CCDC112: variants seen among roughly 807,000 people sequenced by gnomAD.
CCDC112 encodes coiled-coil domain-containing protein 112.
CCDC112 carries 40 observed loss-of-function variants against 66.3 expected under a neutral mutation model. The observed-to-expected ratio is 0.60, with a 90% CI of 0.47 to 0.79. CCDC112 has a LOEUF of 0.79. Among genes scored for constraint, CCDC112 ranks in the 30% least tolerant of loss-of-function variants. The pLI is 0.00. For synonymous variants in CCDC112, 214 were observed against 197.2 expected (o/e 1.09, Z -0.71); for missense variants, 659 against 603.8 (o/e 1.09, Z -0.96).
intron 9 of CCDC112, among the ~76,000 whole-genome samples, chr5:115,268,462 G>A (rs555046832): frequency 6.6e-6 from 1 of 151,700 alleles, no homozygotes; most frequent in Non-Finnish European, 1.5e-5. Context: ...TAGTAGAGAT[G>A]GGGTTTCACT....
rs1278813272 is a variant in CCDC112 at position 115,271,445 on chromosome 5, A to G, written c.1100T>C (p.Ile367Thr). Reference sequence around the variant, plus strand: ...GGAAGCACATTTCATTGACATTTCTATACTTTTCTGTTTCTTCCAAGCTTC... The same window carrying G: ...GGAAGCACATTTCATTGACATTTCTGTACTTTTCTGTTTCTTCCAAGCTTC... Reference protein sequence around the residue: ...AVEAWKKQKSIEMSMKCASQL... With the variant: ...AVEAWKKQKSTEMSMKCASQL... The change falls in exon 7 of 10, where the codon ATA becomes ACA. Residue 367 changes from isoleucine to threonine, a missense_variant. Ile to Thr is a moderately conservative substitution (Grantham distance 89, BLOSUM62 -1). Coordinates refer to ENST00000379611, the MANE Select transcript of CCDC112 (RefSeq NM_001040440.3). The G allele has an allele frequency of 1.1e-5, 18 of 1,611,414 alleles. No homozygotes were observed. Among genetic ancestry groups the G allele is most frequent in the Non-Finnish European group, 1.4e-5 (17 of 1,179,516 alleles).
chr5:115,292,476 T>C (rs1749976499), intron 1 of CCDC112, among the ~76,000 whole-genome samples: 1 of 152,246 alleles, frequency 6.6e-6, no homozygotes, highest in Non-Finnish European at 1.5e-5. Context: ...CTTTGCCTAG[T>C]ATGTCCAATA....
intron 7 of CCDC112, among the ~76,000 whole-genome samples, chr5:115,270,962 C>T (rs527468999): frequency 6.6e-6 from 1 of 152,252 alleles, no homozygotes; most frequent in South Asian, 2.1e-4. Flanking sequence ...CCTGTACTCC[C>T]TCCTAAGTAC....
Position 115,268,901 on chromosome 5 carries a change from G to C in CCDC112, c.1528C>G (p.Leu510Val). 1 of 1,594,942 alleles carries C rather than the reference G, an allele frequency of 6.3e-7. No individual in the cohort carries two copies. Among genetic ancestry groups the C allele is most frequent in the Non-Finnish European group, 8.5e-7 (1 of 1,170,350 alleles). ...TCTTACCTATGTGGGATATGTAGAA[G>C]TGGCCCAGAGCCTGTTGGTCCTATC... ...KKIGPTGSGPLLHIPHRAIPT... is the reference protein window; with the variant it reads ...KKIGPTGSGPVLHIPHRAIPT... Residue 510 changes from leucine to valine, a missense_variant, in exon 9 of 10, where the codon CTT becomes GTT. Transcript: ENST00000379611.
At chr5:115,293,886 C>T (rs1022778345) in intron 1 of CCDC112, among the ~76,000 whole-genome samples, 1 of 152,080 alleles carries the variant, frequency 6.6e-6, no homozygotes, top group Non-Finnish European at 1.5e-5. Flanking sequence ...TATGCTGGTA[C>T]AAAACCAGCA....
intron 6 of CCDC112, among the ~76,000 whole-genome samples, chr5:115,272,837 C>T (rs570896884): frequency 2.3e-4 from 35 of 152,230 alleles, no homozygotes; most frequent in South Asian, 6.2e-4. Context: ...ATACCAAATG[C>T]CACCTAGTAC....
At position 115,280,736 on chromosome 5, in the gene CCDC112, T is replaced by C. The variant is rs149064581; in HGVS notation, c.240-968A>G. 4.2e-3 allele frequency among the ~76,000 whole-genome samples: 644 copies of C among 151,866 alleles called. 12 individuals are homozygous for C. The highest frequency in any genetic ancestry group is 0.038 in the Admixed American group (580 of 15,244). ...ATGCCCAGCTAATTTTTTTTTTTGA[T>C]AGATATAGGGTTTTGCCATGTTGCC... On this transcript the variant is annotated intron_variant, in intron 2 of 9. Transcript: ENST00000379611.
intron 6 of CCDC112, among the ~76,000 whole-genome samples, chr5:115,272,313 TTCTGAGTGA>T (rs766486802): frequency 2.0e-5 from 3 of 152,204 alleles, no homozygotes; most frequent in Admixed American, 6.5e-5. Context: ...TTAGAATACT[TTCTGAGTGA>T]TCTTTATCTG....
intron 1 of CCDC112, among the ~76,000 whole-genome samples, chr5:115,293,020 T>A (rs1324723822): frequency 6.6e-6 from 1 of 152,232 alleles, no homozygotes; most frequent in African/African-American, 2.4e-5. Flanking sequence ...AACACACATT[T>A]ATTGACTTAT....
chr5:115,292,529 A>G (rs1256509685), intron 1 of CCDC112, among the ~76,000 whole-genome samples: 4 of 152,138 alleles, frequency 2.6e-5, no homozygotes, highest in East Asian at 1.9e-4. Context: ...TGTTTTCCCC[A>G]TGTGTGAACC....
At chr5:115,288,940 A>AG (rs1749802336) in intron 1 of CCDC112, 1 of 428,734 alleles carries the variant, frequency 2.3e-6, no homozygotes, top group East Asian at 7.1e-5. Context: ...TTGTACAAGG[A>AG]GGGAGACAGG....
chr5:115,268,188 TA>T (rs1459213986), intron 9 of CCDC112, among the ~76,000 whole-genome samples: 1 of 152,220 alleles, frequency 6.6e-6, no homozygotes, highest in Admixed American at 6.5e-5. Flanking sequence ...ACTCTCCTTA[TA>T]AAAATAAATA....
At chr5:115,272,670 G>C (rs879305256) in intron 6 of CCDC112, among the ~76,000 whole-genome samples, 1 of 152,108 alleles carries the variant, frequency 6.6e-6, no homozygotes, top group Non-Finnish European at 1.5e-5. Flanking sequence ...ATGCCATTTA[G>C]GGCATATTCA....
rs757539893 is a variant in CCDC112, at chr5:115,296,529, C to T, written c.15G>A (p.Thr5=). Residue 5 remains threonine (T), a synonymous_variant, in exon 1 of 10, where the codon ACG becomes ACA. Transcript: ENST00000379611. MAAL[T]TVVVAAAATA... is the part of the protein sequence containing the mutation. ...TGGCCGCAGCCGCTACCACAACCGT[C>T]GTCAGTGCGGCCATGTTTACCCGCC... 3.4e-5 allele frequency: 52 copies of T among 1,532,702 alleles called. No homozygotes were observed. Among genetic ancestry groups the T allele is most frequent in the Non-Finnish European group, 4.5e-5 (52 of 1,144,290 alleles). 94.9% of individuals were successfully genotyped at this position (1,532,702 alleles called of 1,614,324 possible).
At chr5:115,291,774 T>C (rs1749941565) in intron 1 of CCDC112, among the ~76,000 whole-genome samples, 1 of 152,216 alleles carries the variant, frequency 6.6e-6, no homozygotes, top group South Asian at 2.1e-4. Context: ...ATAATTTTGC[T>C]GTACAAAGAA....
intron 6 of CCDC112, among the ~76,000 whole-genome samples, chr5:115,272,212 C>T (rs1032044735): frequency 3.9e-5 from 6 of 152,156 alleles, no homozygotes; most frequent in Admixed American, 1.3e-4. Context: ...TGTGAGCCAC[C>T]GTGCCAGGCC....
intron 3 of CCDC112, among the ~76,000 whole-genome samples, chr5:115,278,292 C>T (rs763043509): frequency 5.3e-5 from 8 of 151,744 alleles, no homozygotes; most frequent in Non-Finnish European, 8.8e-5. Flanking sequence ...CATTTAAGTA[C>T]AATATGACAT....
At position 115,284,104 on chromosome 5, in the gene CCDC112, C is replaced by CA. The variant is rs1314179621; in HGVS notation, c.239+682dup. Among the ~76,000 whole-genome samples, 1,035 of 141,258 alleles carry CA rather than the reference C, an allele frequency of 7.3e-3. 10 individuals are homozygous for CA. Among genetic ancestry groups the CA allele is most frequent in the African/African-American group, 0.023 (910 of 38,728 alleles). The allele number at this position is 141,258 out of a possible 152,430, so 92.7% of individuals were successfully genotyped here. On this transcript the variant is annotated intron_variant, in intron 2 of 9. Transcript: ENST00000379611. ...AATTGAGATCAATTAAAAAGCCACT[C>CA]AAAAAAAAAAAAGTAAGAGCACAGA...
Position 115,296,599 on chromosome 5 carries a change from G to C in CCDC112, c.-56C>G, listed in dbSNP as rs1750171857. On this transcript the variant is annotated 5_prime_UTR_variant, in exon 1 of 10. Transcript: ENST00000379611. ...GGCCACCGGTGCCTGGGGATTCGTG[G>C]CAGGCGCACCCTGGCCTCTGCAGAC... 9.2e-6 allele frequency: 13 copies of C among 1,410,588 alleles called. No individual in the cohort carries two copies. Among genetic ancestry groups the C allele is most frequent in the African/African-American group, 1.5e-5 (1 of 66,322 alleles). 87.4% of individuals were successfully genotyped at this position (1,410,588 alleles called of 1,614,324 possible).
Sources: allele counts gnomAD v4.1 joint callset (sites outside exome capture counted in the v4.1 genomes callset), GRCh38; gene constraint gnomAD v4.1.1; transcripts MANE v1.5; gene names NCBI Gene and HGNC (gene_info 2026-07-23, HGNC 2026-07-21).